Variants in CRISP3 observed in about 807,000 individuals in gnomAD.
CRISP3 encodes cysteine rich secretory protein 3.
A neutral mutation model predicts 36.1 loss-of-function variants in CRISP3; 33 were observed. That is an observed-to-expected ratio of 0.91 (90% CI 0.69 to 1.22). CRISP3 has a LOEUF of 1.22. Ranked by LOEUF, CRISP3 falls within the 50% of genes most tolerant of loss-of-function variation. CRISP3 has a pLI of 0.00. For missense variants in CRISP3, 330 were observed against 301.2 expected, an observed-to-expected ratio of 1.10 and a Z score of -0.71; for synonymous variants, 117 against 104.6, an observed-to-expected ratio of 1.12 and a Z score of -0.72.
At chr6:49,740,845 T>C (rs188250639) in intron 1 of CRISP3, among the ~76,000 whole-genome samples, 196 of 152,098 alleles carry the variant, frequency 1.3e-3, no homozygotes, top group African/African-American at 4.6e-3. Flanking sequence ...CTAATGCCTG[T>C]AATCCCAGGA....
rs373635344 is a variant in CRISP3, at chr6:49,733,832, C to T, written c.333G>A (p.Glu111=). The T allele has an allele frequency of 1.9e-6, 3 of 1,613,564 alleles. No individual in the cohort carries two copies. The highest frequency in any genetic ancestry group is 1.7e-5 in the Admixed American group (1 of 59,982). The part of the protein sequence containing the change: ...KDRMTSLKCG[E]NLYMSSASSS... ...TGGAGGCACTTGACATGTAGAGATT[C>T]TCACCACATTTTAGACCTAAGAAGG... Residue 111 remains glutamate (E), a synonymous_variant, in exon 5 of 8, where the codon GAG becomes GAA. Coordinates refer to ENST00000263045, the MANE Select transcript of CRISP3 (RefSeq NM_006061.4).
chr6:49,730,310 C>T (rs542758094), intron 7 of CRISP3, among the ~76,000 whole-genome samples: 58 of 151,974 alleles, frequency 3.8e-4, no homozygotes, highest in African/African-American at 1.4e-3. Flanking sequence ...ATACTACATA[C>T]AGATTTGATT....
At chr6:49,731,889 G>A (rs1259281673) in intron 6 of CRISP3, among the ~76,000 whole-genome samples, 2 of 152,016 alleles carry the variant, frequency 1.3e-5, no homozygotes, top group Admixed American at 1.3e-4. Context: ...CCAAGAATGG[G>A]AATGTTAGGG....
In CRISP3 at chr6:49,736,456, T is replaced by G. The variant is rs144980751; in HGVS notation, c.163A>C (p.Ile55Leu). Residue 55 changes from isoleucine to leucine, a missense_variant, in exon 3 of 8, where the codon ATT becomes CTT. Coordinates refer to ENST00000263045, the MANE Select transcript of CRISP3 (RefSeq NM_006061.4). ...CTCAGTTCATTGTGCTTATTCACAA[T>G]CTCCCTTTGCACTTGTGTTTGGGTG... is the stretch of plus-strand genomic sequence containing the variant. The part of the protein sequence containing the change: ...LTTQTQVQRE[I>L]VNKHNELRRA... 47 of 1,613,786 alleles carry G rather than the reference T, an allele frequency of 2.9e-5. No individual in the cohort carries two copies. The African/African-American group carries it at 5.3e-4, about 18-fold the overall frequency.
Position 49,736,413 on chromosome 6 carries a change from G to C in CRISP3, c.206C>G (p.Pro69Arg). The C allele has an allele frequency of 6.2e-7, 1 of 1,610,918 alleles. No individual in the cohort carries two copies. The change falls in exon 3 of 8, where the codon CCT becomes CGT. Residue 69 changes from proline (P) to arginine (R), a missense_variant. Physicochemically the swap from Pro to Arg is moderately radical, Grantham distance 103. Transcript: ENST00000263045. ...TACCATCTTCAGCATGTTTCTGGCA[G>C]GGGGAGATACTGCTCTCCTCAGTTC... Reference protein sequence around the residue: ...HNELRRAVSPPARNMLKMEWN... With the variant: ...HNELRRAVSPRARNMLKMEWN...
rs1346421799 is a variant in CRISP3 at position 49,731,163 on chromosome 6, T to C, written c.649A>G (p.Thr217Ala). 4 of 1,590,172 alleles carry C rather than the reference T, an allele frequency of 2.5e-6. No homozygotes were observed. In the African/African-American group the frequency reaches 4.0e-5, roughly 16 times the overall value. The change falls in exon 7 of 8, where the codon ACC becomes GCC. Residue 217 changes from threonine to alanine, a missense_variant and splice_region_variant. Thr to Ala is a moderately conservative substitution (Grantham distance 58, BLOSUM62 0). Transcript: ENST00000263045. ...ATCAAGTTAATCACTTCAAACTTAC[T>C]GCATAGTCCATCGTCACAGTTATCT... is the stretch of plus-strand genomic sequence containing the variant. ...CPDNCDDGLCTNGCKYEDLYS... is the reference protein window; with the variant it reads ...CPDNCDDGLCANGCKYEDLYS...
intron 4 of CRISP3, among the ~76,000 whole-genome samples, chr6:49,734,155 T>A (rs1768985045): frequency 6.6e-6 from 1 of 152,164 alleles, no homozygotes; most frequent in Admixed American, 6.5e-5. Flanking sequence ...ACACATTGAA[T>A]TCTTCACATG....
At position 49,728,431 on chromosome 6, in the gene CRISP3, A is replaced by G. The variant is rs938464191; in HGVS notation, c.*299T>C. ...ATCCAGGGTTTTAGTGAACTTAGTC[A>G]TATGAGAATACAACTTTCAAAATTT... is the stretch of plus-strand genomic sequence containing the variant. On this transcript the variant is annotated 3_prime_UTR_variant, in exon 8 of 8. Transcript: ENST00000263045. 1 of 196,316 alleles carries G rather than the reference A, an allele frequency of 5.1e-6. No individual in the cohort carries two copies. The highest frequency in any genetic ancestry group is 2.3e-5 in the African/African-American group (1 of 43,064). 12.2% of individuals were successfully genotyped at this position (196,316 alleles called of 1,614,324 possible). A position where few individuals can be genotyped will look rare whatever the true frequency, so the allele number is the denominator to read the frequency against.
At chr6:49,731,279 AT>A (rs754877208) in intron 6 of CRISP3, 28 bp from the exon 7 acceptor site, 1 of 1,468,936 alleles carries the variant, frequency 6.8e-7, no homozygotes. Context: ...AATGTCAAAT[AT>A]TTTTCATTTT....
chr6:49,734,268 T>C (rs1012454754), intron 4 of CRISP3, among the ~76,000 whole-genome samples: 1 of 152,212 alleles, frequency 6.6e-6, no homozygotes, highest in Non-Finnish European at 1.5e-5. Flanking sequence ...CCAGAGATTT[T>C]CATATATAGG....
chr6:49,735,601 G>T lies in CRISP3; in HGVS notation c.229-10C>A. On this transcript the variant is annotated splice_polypyrimidine_tract_variant and intron_variant, in intron 3 of 7. Transcript: ENST00000263045. ...CCTCTTTGTTCCATTCCTGAAACAAGGACAGAAAAAAGATATCCACTTAAT... is the reference window on the plus strand; with the variant it reads ...CCTCTTTGTTCCATTCCTGAAACAATGACAGAAAAAAGATATCCACTTAAT... 1.2e-6 allele frequency: 2 copies of T among 1,605,710 alleles called. No individual in the cohort carries two copies.
At position 49,735,529 on chromosome 6, in the gene CRISP3, G is replaced by C. The variant is rs1432316918; in HGVS notation, c.291C>G (p.His97Gln). 3 of 1,611,812 alleles carry C rather than the reference G, an allele frequency of 1.9e-6. No homozygotes were observed. Among genetic ancestry groups the C allele is most frequent in the Non-Finnish European group, 2.5e-6 (3 of 1,178,688 alleles). Residue 97 changes from histidine to glutamine, a missense_variant, in exon 4 of 8, where the codon CAC (histidine) becomes CAG (glutamine). Transcript: ENST00000263045. ...QKWANQCNYR[H>Q]SNPKDRMTSL... ...TTGTCATTCGATCCTTTGGGTTACTGTGTCTGTAATTGCACTGGTTTGCCC... is the reference window on the plus strand; with the variant it reads ...TTGTCATTCGATCCTTTGGGTTACTCTGTCTGTAATTGCACTGGTTTGCCC...
intron 7 of CRISP3, among the ~76,000 whole-genome samples, chr6:49,729,181 G>A (rs77052924): frequency 0.17 from 26,513 of 151,682 alleles, 2,665 homozygotes; most frequent in Admixed American, 0.31. Context: ...TTTGTCATGC[G>A]GTTGTTTAAA....
At chr6:49,730,243 A>G (rs1208762153) in intron 7 of CRISP3, among the ~76,000 whole-genome samples, 2 of 152,094 alleles carry the variant, frequency 1.3e-5, no homozygotes, top group Non-Finnish European at 2.9e-5. Flanking sequence ...AAATTGTATG[A>G]GATATAAATT....
chr6:49,731,514 A>G (rs1251937666), intron 6 of CRISP3, among the ~76,000 whole-genome samples: 1 of 152,230 alleles, frequency 6.6e-6, no homozygotes, highest in African/African-American at 2.4e-5. Context: ...TTTTTAAAGT[A>G]TATTTCAATG....
At chr6:49,734,119 T>C (rs1768984360) in intron 4 of CRISP3, among the ~76,000 whole-genome samples, 1 of 152,162 alleles carries the variant, frequency 6.6e-6, no homozygotes, top group Admixed American at 6.6e-5. Context: ...TTCTTTAATG[T>C]CTGCTCTCCC....
At chr6:49,730,042 T>G (rs566504575) in intron 7 of CRISP3, among the ~76,000 whole-genome samples, 2 of 152,118 alleles carry the variant, frequency 1.3e-5, no homozygotes, top group Non-Finnish European at 2.9e-5. Context: ...TTTGGTATTA[T>G]CAGTATTCTG....
chr6:49,740,319 G>T (rs1056559320), intron 1 of CRISP3, among the ~76,000 whole-genome samples: 2 of 152,202 alleles, frequency 1.3e-5, no homozygotes, highest in African/African-American at 4.8e-5. Context: ...ATAAGGATTT[G>T]CAAATTAGGA....
intron 1 of CRISP3, among the ~76,000 whole-genome samples, chr6:49,742,902 G>A (rs1346429671): frequency 6.6e-6 from 1 of 152,106 alleles, no homozygotes; most frequent in Non-Finnish European, 1.5e-5. Context: ...GATGTCAAAA[G>A]CATTAACACA....
Sources: gnomAD v4.1 joint callset for allele counts (sites outside exome capture counted in the v4.1 genomes callset) on GRCh38, gnomAD v4.1.1 for gene constraint, MANE v1.5 for transcripts, NCBI Gene and HGNC (gene_info 2026-07-23, HGNC 2026-07-21) for gene names.